The following KIRREL3 variants were observed in gnomAD, a reference collection of about 807,000 sequenced individuals.
The protein encoded by KIRREL3 is kin of IRRE-like protein 3.
In KIRREL3, 36 loss-of-function variants were observed where a neutral mutation model predicts 89.7. That is an observed-to-expected ratio of 0.40 (90% CI 0.31 to 0.53). The LOEUF (loss-of-function observed/expected upper bound fraction) is 0.53, where lower values mean the gene tolerates loss of function less well. KIRREL3 is among the 20% of genes least tolerant of loss of function. The pLI is 0.49. For synonymous variants in KIRREL3, 445 were observed against 441.4 expected, an observed-to-expected ratio of 1.01 and a Z score of -0.10; for missense variants, 864 against 1,056.6, an observed-to-expected ratio of 0.82 and a Z score of 2.53.
intron 9 of KIRREL3, among the ~76,000 whole-genome samples, 166 bp downstream of exon 9, chr11:126,446,593 G>C (rs1055229061): frequency 6.6e-6 from 1 of 152,204 alleles, no homozygotes; most frequent in Non-Finnish European, 1.5e-5. Flanking sequence ...GCACATGGGG[G>C]TGCCTGGGTT....
chr11:126,581,124 C>G (rs1941525856), intron 1 of KIRREL3, among the ~76,000 whole-genome samples: 1 of 152,116 alleles, frequency 6.6e-6, no homozygotes, highest in Admixed American at 6.5e-5. Flanking sequence ...GCCCCAGAAG[C>G]TCTGGGGCCT....
rs554591628 is a variant in KIRREL3 at position 126,474,020 on chromosome 11, T to A, written c.434-554A>T. On this transcript the variant is annotated intron_variant, in intron 4 of 16. Transcript: ENST00000525144. The surrounding 1 kb of genome is among the most constrained non-coding windows in gnomAD (Gnocchi z 6.7). ...GGTTTCAACATGTTGGCCAGGCTGG[T>A]CTTGAACTCCTGACCTCAGGTGATC... 4.4e-4 allele frequency among the ~76,000 whole-genome samples: 67 copies of A among 151,686 alleles called. No homozygotes were observed. The highest frequency in any genetic ancestry group is 7.7e-4 in the Non-Finnish European group (52 of 67,922).
rs1183380472 is a variant in KIRREL3 at position 126,519,463 on chromosome 11, T to C, written c.433+1852A>G. ...CGAAATAATCTGGACTTTTAATACG[T>C]TGGACTTTTTTACGTAACGTAGAGT... On this transcript the variant is annotated intron_variant, in intron 4 of 16. Transcript: ENST00000525144. The surrounding 1 kb of genome is among the most constrained non-coding windows in gnomAD (Gnocchi z 4.3). 6.6e-6 allele frequency among the ~76,000 whole-genome samples: 1 copy of C among 152,228 alleles called. No homozygotes were observed. The highest frequency in any genetic ancestry group is 2.4e-5 in the African/African-American group (1 of 41,456).
chr11:126,434,509 A>C (rs1955246383), intron 13 of KIRREL3, among the ~76,000 whole-genome samples: 1 of 152,222 alleles, frequency 6.6e-6, no homozygotes, highest in Non-Finnish European at 1.5e-5. Flanking sequence ...GGGCATGAGG[A>C]TCCCACGTGG....
Position 126,953,510 on chromosome 11 carries a change from A to G in KIRREL3, c.55+46945T>C, listed in dbSNP as rs1436872241. Among the ~76,000 whole-genome samples the G allele has an allele frequency of 6.6e-6, 1 of 152,174 alleles. No homozygotes were observed. The highest frequency in any genetic ancestry group is 1.5e-5 in the Non-Finnish European group (1 of 68,040). On this transcript the variant is annotated intron_variant, in intron 1 of 16. Coordinates refer to ENST00000525144, the MANE Select transcript of KIRREL3 (RefSeq NM_032531.4). This position sits in a 1 kb window ranked among gnomAD's most constrained non-coding sequence, Gnocchi z 5.2. The stretch of plus-strand genomic sequence containing the variant: ...AAAAAGAATAACTAGAGTTTTGTTC[A>G]TCTTTTCATAATAAACGTGCTGATA...
chr11:126,824,892 C>A (rs1943352604), intron 1 of KIRREL3, among the ~76,000 whole-genome samples: 1 of 152,152 alleles, frequency 6.6e-6, no homozygotes, highest in Non-Finnish European at 1.5e-5. Context: ...TCAACAGAAC[C>A]ATTTTAGGGT....
intron 1 of KIRREL3, among the ~76,000 whole-genome samples, chr11:126,714,759 G>A (rs375448767): frequency 5.9e-5 from 9 of 152,076 alleles, no homozygotes; most frequent in African/African-American, 1.9e-4. Flanking sequence ...CCCCTACCAG[G>A]GTTTCCTGGG....
chr11:126,823,918 C>T (rs1322104766), intron 1 of KIRREL3, among the ~76,000 whole-genome samples: 1 of 152,132 alleles, frequency 6.6e-6, no homozygotes, highest in African/African-American at 2.4e-5. Flanking sequence ...TGGGCAGGGA[C>T]CAGGTGAAGA....
rs1009333880 is a variant in KIRREL3, at chr11:126,805,829, C to T, written c.55+194626G>A. Among the ~76,000 whole-genome samples the T allele has an allele frequency of 6.6e-6, 1 of 152,144 alleles. No individual in the cohort carries two copies. The highest frequency in any genetic ancestry group is 2.4e-5 in the African/African-American group (1 of 41,442). ...CGGTTTTCCTGCTCAGCTTATTCAT[C>T]CAAGTTCCCACTCAGCCCCCAGCAG... is the stretch of plus-strand genomic sequence containing the variant. On this transcript the variant is annotated intron_variant, in intron 1 of 16. Transcript: ENST00000525144. The surrounding 1 kb of genome is among the most constrained non-coding windows in gnomAD (Gnocchi z 4.3).
At chr11:126,829,700 GT>G (rs1457072149) in intron 1 of KIRREL3, among the ~76,000 whole-genome samples, 3 of 152,196 alleles carry the variant, frequency 2.0e-5, no homozygotes, top group African/African-American at 4.8e-5. Flanking sequence ...GGACTATAGT[GT>G]GGTCAAAATA....
rs1947685318 is a variant in KIRREL3 at position 126,709,789 on chromosome 11, A to G, written c.56-146877T>C. 6.6e-6 allele frequency among the ~76,000 whole-genome samples: 1 copy of G among 152,188 alleles called. No individual in the cohort carries two copies. The highest frequency in any genetic ancestry group is 2.4e-5 in the African/African-American group (1 of 41,440). ...ATAAGTTTCTGTTGTTTAAGCCACA[A>G]GATCGTGGTATTTTGTTACAGCAGC... is the stretch of plus-strand genomic sequence containing the variant. On this transcript the variant is annotated intron_variant, in intron 1 of 16. Coordinates refer to ENST00000525144, the MANE Select transcript of KIRREL3 (RefSeq NM_032531.4). This position sits in a 1 kb window ranked among gnomAD's most constrained non-coding sequence, Gnocchi z 4.0.
Position 126,879,957 on chromosome 11 carries a change from A to G in KIRREL3, c.55+120498T>C, listed in dbSNP as rs903458361. On this transcript the variant is annotated intron_variant, in intron 1 of 16. Coordinates refer to ENST00000525144, the MANE Select transcript of KIRREL3 (RefSeq NM_032531.4). This position sits in a 1 kb window ranked among gnomAD's most constrained non-coding sequence, Gnocchi z 5.4. Reference sequence around the variant, plus strand: ...ATTCAAGAAGGAAGCCATGGTATGTACTGGGAAGTCTTGTGCCTATGGAAA... The same window carrying G: ...ATTCAAGAAGGAAGCCATGGTATGTGCTGGGAAGTCTTGTGCCTATGGAAA... Among the ~76,000 whole-genome samples the G allele has an allele frequency of 1.3e-5, 2 of 152,330 alleles. No individual in the cohort carries two copies. Among genetic ancestry groups the G allele is most frequent in the Middle Eastern group, 3.4e-3 (1 of 294 alleles).
intron 1 of KIRREL3, among the ~76,000 whole-genome samples, chr11:126,728,174 G>T (rs1310762892): frequency 6.6e-6 from 1 of 152,142 alleles, no homozygotes; most frequent in Non-Finnish European, 1.5e-5. Flanking sequence ...GTGGTGGCTG[G>T]CCCCATGAAA....
rs987140495 is a variant in KIRREL3 at position 126,491,629 on chromosome 11, G to T, written c.434-18163C>A. Among the ~76,000 whole-genome samples, 1 of 152,170 alleles carries T rather than the reference G, an allele frequency of 6.6e-6. No homozygotes were observed. The highest frequency in any genetic ancestry group is 6.5e-5 in the Admixed American group (1 of 15,280). ...ATGGTGCAGAGAAGTTGAGCAACATGCCCAAAGCAGCCAAGATTACCGTTT... is the reference window on the plus strand; with the variant it reads ...ATGGTGCAGAGAAGTTGAGCAACATTCCCAAAGCAGCCAAGATTACCGTTT... On this transcript the variant is annotated intron_variant, in intron 4 of 16. Transcript: ENST00000525144. The surrounding 1 kb of genome is among the most constrained non-coding windows in gnomAD (Gnocchi z 5.5).
intron 9 of KIRREL3, 99 bp from the exon 10 acceptor site, chr11:126,445,204 G>A (rs549870792): frequency 3.4e-5 from 49 of 1,429,468 alleles, no homozygotes; most frequent in African/African-American, 3.4e-4. Flanking sequence ...GGGTAACTGA[G>A]GCAGTCTCCG....
Position 126,627,972 on chromosome 11 carries a change from G to C in KIRREL3, c.56-65060C>G, listed in dbSNP as rs1262007172. ...CGAGCAAGGCTCGGTCTCCTGGTTT[G>C]AGAAACAGGAATGATCCCAGCTCTA... is the stretch of plus-strand genomic sequence containing the variant. On this transcript the variant is annotated intron_variant, in intron 1 of 16. Transcript: ENST00000525144. The surrounding 1 kb of genome is among the most constrained non-coding windows in gnomAD (Gnocchi z 5.0). Among the ~76,000 whole-genome samples the C allele has an allele frequency of 6.6e-6, 1 of 152,240 alleles. No homozygotes were observed. Among genetic ancestry groups the C allele is most frequent in the Non-Finnish European group, 1.5e-5 (1 of 68,038 alleles).
In KIRREL3 at chr11:126,557,960, C is replaced by T. The variant is rs1939825883; in HGVS notation, c.133+4875G>A. ...CAGCAAAAGCTGCCTTTGCTAATCA[C>T]TCACAAGTATTTCGTCCTGAAAGAT... On this transcript the variant is annotated intron_variant, in intron 2 of 16. Transcript: ENST00000525144. The surrounding 1 kb of genome is among the most constrained non-coding windows in gnomAD (Gnocchi z 5.6). 6.6e-6 allele frequency among the ~76,000 whole-genome samples: 1 copy of T among 152,248 alleles called. No individual in the cohort carries two copies.
At chr11:126,914,024 C>T (rs1592343181) in intron 1 of KIRREL3, among the ~76,000 whole-genome samples, 1 of 152,212 alleles carries the variant, frequency 6.6e-6, no homozygotes, top group South Asian at 2.1e-4. Flanking sequence ...AGGTCAGCAT[C>T]GACTCTTGCT....
rs999339306 is a variant in KIRREL3, at chr11:126,729,754, G to C, written c.56-166842C>G. Among the ~76,000 whole-genome samples the C allele has an allele frequency of 3.9e-5, 6 of 152,168 alleles. No homozygotes were observed. The highest frequency in any genetic ancestry group is 7.2e-5 in the African/African-American group (3 of 41,428). On this transcript the variant is annotated intron_variant, in intron 1 of 16. Coordinates refer to ENST00000525144, the MANE Select transcript of KIRREL3 (RefSeq NM_032531.4). This position sits in a 1 kb window ranked among gnomAD's most constrained non-coding sequence, Gnocchi z 4.5. Reference sequence around the variant, plus strand: ...CTCAGGGTCCCCTGCTATTTTATGAGCTTGGGAGGTTTCTGTGTCCAGAAG... The same window carrying C: ...CTCAGGGTCCCCTGCTATTTTATGACCTTGGGAGGTTTCTGTGTCCAGAAG...
Sources: gnomAD v4.1 joint callset for allele counts (sites outside exome capture counted in the v4.1 genomes callset) on GRCh38, gnomAD v4.1.1 for gene constraint, Gnocchi (gnomAD v3.1) non-coding constraint, MANE v1.5 for transcripts, NCBI Gene and HGNC (gene_info 2026-07-23, HGNC 2026-07-21) for gene names.